Variants in TMEM131 observed in about 807,000 individuals in gnomAD.
TMEM131 encodes the protein 2610524E03Rik.
In TMEM131, 66 loss-of-function variants were observed where a neutral mutation model predicts 211.6. That is an observed-to-expected ratio of 0.31 (90% confidence interval 0.26 to 0.38). TMEM131 has a LOEUF of 0.38. TMEM131 is among the 10% of genes least tolerant of loss of function. TMEM131 has a pLI of 1.00. For synonymous variants in TMEM131, 844 were observed against 841.3 expected (o/e 1.00, Z -0.06); for missense variants, 2,036 against 2,299.3 (o/e 0.89, Z 2.34).
chr2:97,852,157 TTC>T (rs1369150464), intron 5 of TMEM131, among the ~76,000 whole-genome samples: 111 of 117,562 alleles, frequency 9.4e-4, no homozygotes, highest in Non-Finnish European at 1.6e-3. Context: ...AGCCACGGCA[TTC>T]TCTTTTTTTT....
At chr2:97,952,923 GTTAA>G in intron 1 of TMEM131, among the ~76,000 whole-genome samples, 1 of 152,092 alleles carries the variant, frequency 6.6e-6, no homozygotes, top group South Asian at 2.1e-4. Flanking sequence ...ACAGAAAACT[GTTAA>G]TTATGAATGC....
intron 7 of TMEM131, among the ~76,000 whole-genome samples, chr2:97,837,393 A>T (rs577592594): frequency 1.3e-5 from 2 of 152,336 alleles, no homozygotes; most frequent in African/African-American, 4.8e-5. Context: ...CAGTGTAAGT[A>T]CCATAGTTGT....
intron 3 of TMEM131, among the ~76,000 whole-genome samples, chr2:97,908,186 T>A (rs770509374): frequency 2.6e-5 from 4 of 152,150 alleles, no homozygotes; most frequent in Non-Finnish European, 5.9e-5. Flanking sequence ...CTATTTTCCT[T>A]AACACCTGAG....
chr2:97,933,781 A>T (rs1430670332), intron 1 of TMEM131, among the ~76,000 whole-genome samples: 2 of 152,184 alleles, frequency 1.3e-5, no homozygotes, highest in African/African-American at 4.8e-5. Flanking sequence ...CCCCATCAAC[A>T]GGCTAAAGAG....
intron 2 of TMEM131, among the ~76,000 whole-genome samples, chr2:97,916,966 T>C (rs939247856): frequency 1.3e-5 from 2 of 152,230 alleles, no homozygotes; most frequent in African/African-American, 2.4e-5. Flanking sequence ...TACAAGCTTA[T>C]ATTTCTTTTA....
In TMEM131 at chr2:97,899,913, C is replaced by A. The variant is rs562489661; in HGVS notation, c.290+8745G>T. On this transcript the variant is annotated intron_variant, in intron 3 of 40. Transcript: ENST00000186436. ...AAGAACACAAAATCTACTCTCTCAG[C>A]AATTTTCAAGTACACAATACGGATG... 5.1e-4 allele frequency among the ~76,000 whole-genome samples: 78 copies of A among 152,238 alleles called. 1 individual carries two copies. The highest frequency in any genetic ancestry group is 1.8e-3 in the African/African-American group (74 of 41,564).
At chr2:97,848,550 TG>T (rs1282126605) in intron 5 of TMEM131, among the ~76,000 whole-genome samples, 12 of 152,212 alleles carry the variant, frequency 7.9e-5, no homozygotes, top group Non-Finnish European at 1.6e-4. Flanking sequence ...GTAAATGCTA[TG>T]TAAGTAGTTT....
intron 15 of TMEM131, among the ~76,000 whole-genome samples, chr2:97,813,696 A>G (rs1188098304): frequency 6.6e-6 from 1 of 152,054 alleles, no homozygotes; most frequent in Non-Finnish European, 1.5e-5. Flanking sequence ...ATTCCCCATT[A>G]TTACAATAGT....
At chr2:97,856,136 T>C (rs1002529045) in intron 5 of TMEM131, among the ~76,000 whole-genome samples, 8 of 152,190 alleles carry the variant, frequency 5.3e-5, no homozygotes, top group African/African-American at 1.9e-4. Context: ...ATTTCCACAA[T>C]TGGACTTGTA....
chr2:97,954,100 T>A lies in TMEM131; in HGVS notation c.188-26613A>T, dbSNP rs116054308. Among the ~76,000 whole-genome samples, 132 of 152,288 alleles carry A rather than the reference T, an allele frequency of 8.7e-4. 1 individual carries two copies. Among genetic ancestry groups the A allele is most frequent in the African/African-American group, 3.1e-3 (128 of 41,568 alleles). On this transcript the variant is annotated intron_variant, in intron 1 of 40. Coordinates refer to ENST00000186436, the MANE Select transcript of TMEM131 (RefSeq NM_015348.2). ...CATTAATAATCTCTGTCCCCTACTT[T>A]AAGAAACTAGAAAAAGTAGAGCAAA...
intron 1 of TMEM131, among the ~76,000 whole-genome samples, chr2:97,961,961 C>T (rs767552272): frequency 7.2e-5 from 11 of 152,124 alleles, no homozygotes; most frequent in South Asian, 6.2e-4. Flanking sequence ...TATTTGAATA[C>T]GCAAATAATG....
intron 1 of TMEM131, among the ~76,000 whole-genome samples, chr2:97,974,152 C>A (rs915719390): frequency 1.6e-4 from 25 of 151,880 alleles, no homozygotes; most frequent in Admixed American, 1.5e-3. Flanking sequence ...ATGGAAGATA[C>A]AAAGACAAAT....
At chr2:97,984,922 C>G (rs1054447548) in intron 1 of TMEM131, among the ~76,000 whole-genome samples, 1 of 151,952 alleles carries the variant, frequency 6.6e-6, no homozygotes, top group African/African-American at 2.4e-5. Context: ...TATCCCTGGA[C>G]GAGTTTACTA....
intron 1 of TMEM131, among the ~76,000 whole-genome samples, chr2:97,951,276 C>CTG: frequency 6.6e-6 from 1 of 152,176 alleles, no homozygotes; most frequent in East Asian, 1.9e-4. Context: ...TTGTAAGCCC[C>CTG]TGTGATGGTA....
At chr2:97,870,788 T>C (rs1380110005) in intron 4 of TMEM131, among the ~76,000 whole-genome samples, 2 of 152,190 alleles carry the variant, frequency 1.3e-5, no homozygotes, top group East Asian at 1.9e-4. Flanking sequence ...GTCAAATCAA[T>C]ATGCAGTACT....
chr2:97,995,201 C>A (rs1472524511), intron 1 of TMEM131, among the ~76,000 whole-genome samples: 1 of 152,256 alleles, frequency 6.6e-6, no homozygotes, highest in Non-Finnish European at 1.5e-5. Flanking sequence ...ATATGCCCCT[C>A]CTACCTAGCG....
chr2:97,951,884 C>T (rs762968683), intron 1 of TMEM131, among the ~76,000 whole-genome samples: 7 of 152,118 alleles, frequency 4.6e-5, no homozygotes, highest in Non-Finnish European at 7.4e-5. Context: ...TTCGGCCAGG[C>T]GCAGTGGCTC....
intron 8 of TMEM131, among the ~76,000 whole-genome samples, chr2:97,835,446 T>C (rs1225641822): frequency 6.6e-6 from 1 of 152,230 alleles, no homozygotes; most frequent in African/African-American, 2.4e-5. Flanking sequence ...GTTTACCAAC[T>C]GCATTCATGT....
At chr2:97,817,485 C>T (rs1681886436) in intron 12 of TMEM131, among the ~76,000 whole-genome samples, 1 of 152,228 alleles carries the variant, frequency 6.6e-6, no homozygotes, top group Non-Finnish European at 1.5e-5. Context: ...CCTCGTGATA[C>T]TGACACTGGT....
Sources: gnomAD v4.1 joint callset for allele counts (sites outside exome capture counted in the v4.1 genomes callset) on GRCh38, gnomAD v4.1.1 for gene constraint, MANE v1.5 for transcripts, NCBI Gene and HGNC (gene_info 2026-07-23, HGNC 2026-07-21) for gene names.